Variants in DOCK1 observed in about 807,000 individuals in gnomAD.
DOCK1 encodes the protein dedicator of cytokinesis protein 1.
In DOCK1, 138 loss-of-function variants were observed where a neutral mutation model predicts 262.7. That is an observed-to-expected ratio of 0.53 (90% confidence interval 0.46 to 0.61). DOCK1 has a LOEUF of 0.61. Ranked by LOEUF, DOCK1 falls within the 20% of genes least tolerant of loss-of-function variation. The pLI, the probability that DOCK1 is intolerant of heterozygous loss-of-function variation, is 0.00. For missense variants in DOCK1, 1,908 were observed against 2,370.7 expected, an observed-to-expected ratio of 0.80 and a Z score of 4.05; for synonymous variants, 866 against 867.4, an observed-to-expected ratio of 1.00 and a Z score of 0.03.
intron 27 of DOCK1, among the ~76,000 whole-genome samples, chr10:127,158,484 T>C (rs1458921845): frequency 6.6e-6 from 1 of 152,212 alleles, no homozygotes; most frequent in Non-Finnish European, 1.5e-5. Flanking sequence ...CCCTTTTGCT[T>C]TGAGGAGCCT....
Position 126,905,758 on chromosome 10 carries a change from C to T in DOCK1, c.46+195C>T, listed in dbSNP as rs2030632616. The stretch of plus-strand genomic sequence containing the variant: ...CCCCGCGCCCCCGGCGGCGTCAGCT[C>T]CAGCCCCGGGGATGCGGGTCGGGAA... On this transcript the variant is annotated intron_variant, in intron 1 of 51. Coordinates refer to ENST00000623213, the MANE Select transcript of DOCK1 (RefSeq NM_001290223.2). 2.7e-5 allele frequency among the ~76,000 whole-genome samples: 4 copies of T among 150,526 alleles called. No homozygotes were observed. The South Asian group carries it at 8.3e-4, about 31-fold the overall frequency.
chr10:127,228,461 T>C (rs538417810), intron 27 of DOCK1, among the ~76,000 whole-genome samples: 1 of 152,292 alleles, frequency 6.6e-6, no homozygotes, highest in Admixed American at 6.5e-5. Flanking sequence ...GTTTGCAAAA[T>C]GAGGATTTCT....
At chr10:127,407,899 G>T (rs1042784741) in intron 40 of DOCK1, among the ~76,000 whole-genome samples, 1 of 152,040 alleles carries the variant, frequency 6.6e-6, no homozygotes, top group African/African-American at 2.4e-5. Flanking sequence ...TCTCCTTGTG[G>T]CAGTTTTCAT....
intron 15 of DOCK1, 112 bp from the exon 16 acceptor site, chr10:127,026,240 A>G: frequency 9.6e-7 from 1 of 1,043,622 alleles, no homozygotes; most frequent in South Asian, 1.4e-5. Flanking sequence ...CAGTATTTTC[A>G]CCACTGCAGT....
In DOCK1 at chr10:127,023,190, C is replaced by T. The variant is rs1385756080; in HGVS notation, c.1328-10C>T. On this transcript the variant is annotated splice_polypyrimidine_tract_variant and intron_variant, in intron 13 of 51. Coordinates refer to ENST00000623213, the MANE Select transcript of DOCK1 (RefSeq NM_001290223.2). ...ATTGTTTTTTAAATGTATGATTTCTCCCCCCTCAGGTGATGTTCGAAATGA... is the reference window on the plus strand; with the variant it reads ...ATTGTTTTTTAAATGTATGATTTCTTCCCCCTCAGGTGATGTTCGAAATGA... 4.3e-6 allele frequency: 7 copies of T among 1,611,354 alleles called. No individual in the cohort carries two copies. The highest frequency in any genetic ancestry group is 5.1e-6 in the Non-Finnish European group (6 of 1,178,842).
intron 13 of DOCK1, 119 bp from the exon 14 acceptor site, chr10:127,023,081 A>G: frequency 9.4e-6 from 11 of 1,174,382 alleles, no homozygotes; most frequent in East Asian, 2.7e-5. Context: ...AAAATATTTC[A>G]TAATCATCTA....
chr10:127,354,204 C>G (rs2064024575), intron 31 of DOCK1, among the ~76,000 whole-genome samples: 1 of 152,106 alleles, frequency 6.6e-6, no homozygotes. Flanking sequence ...TAAGCCCTTC[C>G]TTACATTTAA....
At chr10:127,337,051 G>T (rs1226018691) in intron 29 of DOCK1, among the ~76,000 whole-genome samples, 1 of 151,828 alleles carries the variant, frequency 6.6e-6, no homozygotes, top group South Asian at 2.1e-4. Flanking sequence ...AAGGACCCTA[G>T]GGTACTCTGC....
At position 127,194,581 on chromosome 10, in the gene DOCK1, A is replaced by C. The variant is rs552238095; in HGVS notation, c.2848-53427A>C. The stretch of plus-strand genomic sequence containing the variant: ...GCTTAATAAGGGTTATATCATTTTC[A>C]TGTATGTACTACTCTGGGAATGGCC... On this transcript the variant is annotated intron_variant, in intron 27 of 51. Transcript: ENST00000623213. Among the ~76,000 whole-genome samples the C allele has an allele frequency of 3.9e-5, 6 of 152,324 alleles. No homozygotes were observed. In the South Asian group the frequency reaches 1.2e-3, roughly 32 times the overall value.
chr10:127,415,588 AC>A (rs1275300673), intron 44 of DOCK1, among the ~76,000 whole-genome samples: 2 of 152,186 alleles, frequency 1.3e-5, no homozygotes, highest in African/African-American at 2.4e-5. Context: ...GTCTACATAA[AC>A]TTTTTTAAAG....
At chr10:127,432,990 T>C (rs768228487) in intron 47 of DOCK1, among the ~76,000 whole-genome samples, 30 of 152,370 alleles carry the variant, frequency 2.0e-4, no homozygotes, top group Admixed American at 5.2e-4. Context: ...CACATTCTCC[T>C]GTGGCTTTGG....
intron 29 of DOCK1, among the ~76,000 whole-genome samples, chr10:127,313,401 TC>T (rs1193494714): frequency 6.6e-6 from 1 of 152,144 alleles, no homozygotes; most frequent in Non-Finnish European, 1.5e-5. Flanking sequence ...CTTGGTACCT[TC>T]CACTACAAGC....
At chr10:127,327,305 C>T (rs2062786277) in intron 29 of DOCK1, among the ~76,000 whole-genome samples, 3 of 152,278 alleles carry the variant, frequency 2.0e-5, no homozygotes, top group South Asian at 2.1e-4. Flanking sequence ...TTAGTGTAGC[C>T]ACCCTCATCA....
rs143132474 is a variant in DOCK1 at position 127,360,469 on chromosome 10, G to A, written c.3284-1595G>A. 3.7e-4 allele frequency among the ~76,000 whole-genome samples: 57 copies of A among 152,354 alleles called. 1 individual carries two copies. The highest frequency in any genetic ancestry group is 1.3e-3 in the African/African-American group (52 of 41,582). On this transcript the variant is annotated intron_variant, in intron 32 of 51. Coordinates refer to ENST00000623213, the MANE Select transcript of DOCK1 (RefSeq NM_001290223.2). ...TGCGCTAGCATCTTTCTAAGTCAGC[G>A]ACAGAGACCCAGGAAGGTATGATAC...
intron 1 of DOCK1, among the ~76,000 whole-genome samples, chr10:126,964,623 A>C (rs1463987280): frequency 1.3e-5 from 2 of 152,266 alleles, no homozygotes; most frequent in Non-Finnish European, 2.9e-5. Flanking sequence ...GAATTAATTA[A>C]CGTTTAAGTT....
intron 51 of DOCK1, 88 bp downstream of exon 51, chr10:127,447,633 C>T (rs780348447): frequency 5.2e-6 from 8 of 1,527,352 alleles, no homozygotes; most frequent in Non-Finnish European, 7.1e-6. Flanking sequence ...AGCAGGTTTA[C>T]TTCGGGCTAG....
At chr10:127,425,472 C>T (rs557624954) in intron 46 of DOCK1, among the ~76,000 whole-genome samples, 1 of 152,248 alleles carries the variant, frequency 6.6e-6, no homozygotes, top group Non-Finnish European at 1.5e-5. Context: ...CATGTAATTA[C>T]CTTTTGGAAT....
intron 1 of DOCK1, among the ~76,000 whole-genome samples, chr10:126,926,756 G>A (rs796642529): frequency 2.0e-5 from 3 of 152,218 alleles, no homozygotes; most frequent in East Asian, 1.9e-4. Flanking sequence ...TTACACGGCC[G>A]CAAGCCAAGG....
intron 1 of DOCK1, among the ~76,000 whole-genome samples, chr10:126,948,513 G>T (rs1014224045): frequency 2.6e-5 from 4 of 151,758 alleles, no homozygotes; most frequent in Non-Finnish European, 4.4e-5. Context: ...CTGTCCAGCC[G>T]GGCCTTTTGA....
Sources: allele counts gnomAD v4.1 joint callset (sites outside exome capture counted in the v4.1 genomes callset), GRCh38; gene constraint gnomAD v4.1.1; transcripts MANE v1.5; gene names NCBI Gene and HGNC (gene_info 2026-07-23, HGNC 2026-07-21).